The following ATF2 variants were observed in gnomAD, a reference collection of about 807,000 sequenced individuals.
The protein encoded by ATF2 is cyclic AMP-dependent transcription factor ATF-2.
ATF2 carries 24 observed loss-of-function variants against 60.6 expected under a neutral mutation model. The ratio of observed to expected loss-of-function variants is 0.40; its 90% confidence interval spans 0.29 to 0.56. The LOEUF is 0.56. Among genes scored for constraint, ATF2 ranks in the 20% least tolerant of loss-of-function variants. The pLI is 0.54. For synonymous variants in ATF2, 206 were observed against 215.4 expected, an observed-to-expected ratio of 0.96 and a Z score of 0.38; for missense variants, 433 against 607.7, an observed-to-expected ratio of 0.71 and a Z score of 3.02.
At chr2:175,113,358 A>G (rs2105686161) in intron 9 of ATF2, among the ~76,000 whole-genome samples, 1 of 151,934 alleles carries the variant, frequency 6.6e-6, no homozygotes, top group East Asian at 1.9e-4. Flanking sequence ...GGCTCACACA[A>G]TCCTCCTACC....
Position 175,074,760 on chromosome 2 carries a change from G to A in ATF2, c.1367C>T (p.Ser456Leu), listed in dbSNP as rs147478928. ...SPHTEAIQHS[S>L]VSTSNGVSST... The stretch of plus-strand genomic sequence containing the variant: ...ACTGACTCCATTGGATGTGCTGACC[G>A]AACTATGCTGTATAGCTTCTGTATG... The change falls in exon 14 of 14, where the codon TCG becomes TTG. Residue 456 changes from serine (S) to leucine (L), a missense_variant. This residue lies in a region of ATF2 where 114 missense variants were observed against 104.0 expected (regional missense o/e 1.10). Transcript: ENST00000264110. 57 of 1,613,414 alleles carry A rather than the reference G, an allele frequency of 3.5e-5. 1 individual carries two copies. In the Middle Eastern group the frequency reaches 9.9e-4, roughly 28 times the overall value.
At chr2:175,160,608 T>C (rs1318266135) in intron 1 of ATF2, among the ~76,000 whole-genome samples, 1 of 152,160 alleles carries the variant, frequency 6.6e-6, no homozygotes, top group East Asian at 1.9e-4. Flanking sequence ...CAAAAATTGA[T>C]AGTGTAGTTA....
At chr2:175,127,499 G>A (rs1169972219) in intron 4 of ATF2, among the ~76,000 whole-genome samples, 17 of 152,102 alleles carry the variant, frequency 1.1e-4, no homozygotes, top group Admixed American at 1.1e-3. Context: ...TCAGCCTCTT[G>A]TCTCCCTGTG....
intron 7 of ATF2, among the ~76,000 whole-genome samples, chr2:175,116,871 T>G (rs1696610506): frequency 6.6e-6 from 1 of 151,946 alleles, no homozygotes; most frequent in Non-Finnish European, 1.5e-5. Flanking sequence ...AAACAACCTT[T>G]ATGTCCAAAA....
intron 4 of ATF2, among the ~76,000 whole-genome samples, chr2:175,126,457 T>C (rs1252187856): frequency 6.6e-6 from 1 of 152,138 alleles, no homozygotes; most frequent in African/African-American, 2.4e-5. Flanking sequence ...CATTAGGGGA[T>C]AGGGAAGTGG....
intron 1 of ATF2, among the ~76,000 whole-genome samples, chr2:175,157,070 T>C (rs1347691343): frequency 6.6e-6 from 1 of 152,214 alleles, no homozygotes; most frequent in Non-Finnish European, 1.5e-5. Flanking sequence ...GCATACAATT[T>C]CCAGCAATGT....
chr2:175,126,435 G>A (rs943674718), intron 4 of ATF2, among the ~76,000 whole-genome samples: 9 of 152,140 alleles, frequency 5.9e-5, no homozygotes, highest in Admixed American at 1.3e-4. Context: ...AAAAATAAGA[G>A]TAATTATCAG....
intron 13 of ATF2, 54 bp downstream of exon 13, chr2:175,080,606 T>G: frequency 1.5e-6 from 2 of 1,362,556 alleles, no homozygotes; most frequent in South Asian, 2.6e-5. Context: ...CAGTTCACTC[T>G]GACGGTATTT....
chr2:175,080,165 A>G (rs1394933863), intron 13 of ATF2: 1 of 152,232 alleles, frequency 6.6e-6, no homozygotes, highest in Non-Finnish European at 1.5e-5. Context: ...ATCTCAATAT[A>G]AAGGTTTACA....
chr2:175,160,321 G>A (rs1274933935), intron 1 of ATF2, among the ~76,000 whole-genome samples: 1 of 152,038 alleles, frequency 6.6e-6, no homozygotes, highest in African/African-American at 2.4e-5. Context: ...GGTGTTTGAG[G>A]CAGCAGTGAA....
rs150350770 is a variant in ATF2 at position 175,116,155 on chromosome 2, T to C, written c.448-1287A>G. On this transcript the variant is annotated intron_variant, in intron 7 of 13. Coordinates refer to ENST00000264110, the MANE Select transcript of ATF2 (RefSeq NM_001880.4). Reference sequence around the variant, plus strand: ...AAAGATTTTAAGCAGGTGACATATTTAATGTATTAAAAGTCATCTTACAGA... The same window carrying C: ...AAAGATTTTAAGCAGGTGACATATTCAATGTATTAAAAGTCATCTTACAGA... Among the ~76,000 whole-genome samples the C allele has an allele frequency of 3.1e-3, 475 of 152,264 alleles. 2 individuals carry two copies. Among genetic ancestry groups the C allele is most frequent in the Non-Finnish European group, 3.9e-3 (263 of 67,970 alleles).
At chr2:175,125,909 A>C (rs1022886108) in intron 4 of ATF2, among the ~76,000 whole-genome samples, 1 of 152,144 alleles carries the variant, frequency 6.6e-6, no homozygotes, top group Non-Finnish European at 1.5e-5. Context: ...ATTGCCAAAT[A>C]TGCTGTGATA....
Position 175,118,194 on chromosome 2 carries a change from A to G in ATF2, c.318+57T>C, listed in dbSNP as rs997358466. 1.6e-5 allele frequency: 26 copies of G among 1,590,956 alleles called. No individual in the cohort carries two copies. In the African/African-American group the frequency reaches 3.4e-4, roughly 21 times the overall value. ...TAAATTTAAAAAGCAGGAAGTATAA[A>G]CTATGATTACTTTTCTGTCAGAAGT... is the stretch of plus-strand genomic sequence containing the variant. On this transcript the variant is annotated intron_variant, in intron 6 of 13. Transcript: ENST00000264110.
rs1483345978 is a variant in ATF2 at position 175,150,875 on chromosome 2, T to C, written c.-44+185A>G. Among the ~76,000 whole-genome samples the C allele has an allele frequency of 2.6e-5, 4 of 152,188 alleles. No individual in the cohort carries two copies. In the East Asian group the frequency reaches 5.8e-4, roughly 22 times the overall value. ...CTTTTATATGCTCACATTCATTCTA[T>C]CTCCAAAAGACATTTCCAAATTTGC... On this transcript the variant is annotated intron_variant, in intron 2 of 13. Transcript: ENST00000264110.
At chr2:175,088,598 G>GTT (rs1694327230) in intron 12 of ATF2, among the ~76,000 whole-genome samples, 1 of 151,548 alleles carries the variant, frequency 6.6e-6, no homozygotes, top group African/African-American at 2.4e-5. Flanking sequence ...TTAAAAGTAT[G>GTT]TTTTGCCGTT....
intron 10 of ATF2, among the ~76,000 whole-genome samples, chr2:175,102,990 T>A (rs1452404259): frequency 6.6e-6 from 1 of 152,210 alleles, no homozygotes; most frequent in East Asian, 1.9e-4. Flanking sequence ...TTGTTTCAAT[T>A]AATTAAAGGA....
intron 13 of ATF2, 156 bp downstream of exon 13, chr2:175,080,504 C>A: frequency 2.1e-6 from 1 of 485,188 alleles, no homozygotes; most frequent in Non-Finnish European, 3.5e-6. Flanking sequence ...AAAAATTATA[C>A]CTCTCTACTG....
intron 13 of ATF2, chr2:175,080,154 T>G (rs1693667005): frequency 6.6e-6 from 1 of 152,166 alleles, no homozygotes; most frequent in Non-Finnish European, 1.5e-5. Flanking sequence ...ACTAACTAGA[T>G]ATCTCAATAT....
chr2:175,119,949 G>A (rs1696839451), intron 5 of ATF2, among the ~76,000 whole-genome samples: 1 of 151,534 alleles, frequency 6.6e-6, no homozygotes, highest in Non-Finnish European at 1.5e-5. Context: ...CATTGCATAT[G>A]GCTACTGATC....
Sources: gnomAD v4.1 joint callset for allele counts (sites outside exome capture counted in the v4.1 genomes callset) on GRCh38, gnomAD v4.1.1 for gene constraint, gnomAD v4.1.1 regional missense constraint, MANE v1.5 for transcripts, NCBI Gene and HGNC (gene_info 2026-07-23, HGNC 2026-07-21) for gene names.